Variants in MMP26 observed in about 807,000 individuals in gnomAD.
MMP26 encodes the protein matrix metalloproteinase-26.
In MMP26, 33 loss-of-function variants were observed where a neutral mutation model predicts 31.0. That is an observed-to-expected ratio of 1.06 (90% CI 0.81 to 1.42). MMP26 has a LOEUF of 1.42. Ranked by LOEUF, MMP26 falls within the 40% of genes most tolerant of loss-of-function variation. MMP26 has a pLI of 0.00. For synonymous variants in MMP26, 122 were observed against 114.9 expected (o/e 1.06, Z -0.40); for missense variants, 347 against 316.1 (o/e 1.10, Z -0.74).
intron 2 of MMP26, among the ~76,000 whole-genome samples, chr11:4,802,892 ACAGAGTATTGCTT>A (rs1849202705): frequency 6.6e-6 from 1 of 152,170 alleles, no homozygotes; most frequent in Non-Finnish European, 1.5e-5. Flanking sequence ...CTGATATTCA[ACAGAGTATTGCTT>A]CATCTGTAAT....
intron 2 of MMP26, among the ~76,000 whole-genome samples, chr11:4,915,908 C>T (rs919900): frequency 0.44 from 66,324 of 151,956 alleles, 14,862 homozygotes; most frequent in East Asian, 0.68. Flanking sequence ...AGTGATGAGC[C>T]AAACTGGGTG....
intron 2 of MMP26, among the ~76,000 whole-genome samples, chr11:4,826,816 G>A (rs901889209): frequency 2.6e-5 from 4 of 152,048 alleles, no homozygotes; most frequent in East Asian, 1.9e-4. Flanking sequence ...ACCATTATGG[G>A]TGACTATTGC....
chr11:4,881,082 C>G (rs1218540767), intron 2 of MMP26, among the ~76,000 whole-genome samples: 1 of 152,132 alleles, frequency 6.6e-6, no homozygotes, highest in Non-Finnish European at 1.5e-5. Flanking sequence ...ATATATTGCT[C>G]TGGTTAGCCA....
At chr11:4,962,325 T>C (rs1007253573) in intron 2 of MMP26, among the ~76,000 whole-genome samples, 4 of 152,204 alleles carry the variant, frequency 2.6e-5, no homozygotes, top group African/African-American at 7.2e-5. Flanking sequence ...ATGAAATGTA[T>C]ATAAAACCCA....
At chr11:4,858,264 T>A (rs1348203456) in intron 2 of MMP26, among the ~76,000 whole-genome samples, 2 of 152,098 alleles carry the variant, frequency 1.3e-5, no homozygotes, top group African/African-American at 4.8e-5. Context: ...GGTATTCAAT[T>A]AGGAAAAGAG....
At chr11:4,923,781 T>A in intron 2 of MMP26, 1 of 1,614,040 alleles carries the variant, frequency 6.2e-7, no homozygotes, top group South Asian at 1.1e-5. Context: ...GCCAGCTTCA[T>A]GATCTCCAGG....
chr11:4,930,426 T>A (rs1408698151), intron 2 of MMP26, among the ~76,000 whole-genome samples: 1 of 152,082 alleles, frequency 6.6e-6, no homozygotes, highest in Admixed American at 6.6e-5. Flanking sequence ...TGTCAGTGCT[T>A]ACCCCTTTCT....
intron 2 of MMP26, chr11:4,881,919 C>T (rs1850470049): frequency 6.2e-7 from 1 of 1,612,672 alleles, no homozygotes; most frequent in South Asian, 1.1e-5. Context: ...TTCAATAACA[C>T]CACTTCGTCT....
intron 1 of MMP26, among the ~76,000 whole-genome samples, chr11:4,707,768 A>G (rs944147097): frequency 3.9e-5 from 6 of 152,226 alleles, no homozygotes; most frequent in Admixed American, 3.3e-4. Context: ...ACTGGGGTTT[A>G]TCACTATTTT....
chr11:4,715,539 G>A (rs1361204247), intron 1 of MMP26, among the ~76,000 whole-genome samples: 19 of 152,174 alleles, frequency 1.2e-4, no homozygotes, highest in Admixed American at 1.2e-3. Context: ...AAGCACATTA[G>A]TGTGAAAGAA....
At position 4,992,248 on chromosome 11, in the gene MMP26, G is replaced by A. The variant is rs1589826877; in HGVS notation, c.*6G>A. The A allele has an allele frequency of 6.2e-7, 1 of 1,607,834 alleles. No homozygotes were observed. Among genetic ancestry groups the A allele is most frequent in the East Asian group, 2.2e-5 (1 of 44,704 alleles). ...GTTCATCTGACATACCTTAATGTTA[G>A]CACAGAGGACTTATTCAACCTGTCC... is the stretch of plus-strand genomic sequence containing the variant. On this transcript the variant is annotated 3_prime_UTR_variant, in exon 8 of 8. Transcript: ENST00000380390.
intron 1 of MMP26, among the ~76,000 whole-genome samples, chr11:4,755,117 T>C (rs11033718): frequency 0.073 from 11,034 of 152,038 alleles, 768 homozygotes; most frequent in African/African-American, 0.18. Flanking sequence ...TCACACACCA[T>C]GTCGCTATCA....
intron 2 of MMP26, chr11:4,769,363 A>C (rs767533061): frequency 1.2e-6 from 2 of 1,613,912 alleles, no homozygotes; most frequent in African/African-American, 2.7e-5. Flanking sequence ...ATTGAATCAC[A>C]TCTGGATGGT....
intron 2 of MMP26, among the ~76,000 whole-genome samples, chr11:4,941,870 G>A (rs372790049): frequency 7.3e-5 from 11 of 151,490 alleles, no homozygotes; most frequent in African/African-American, 2.7e-4. Flanking sequence ...TGGATCATGA[G>A]GTCAGGAGAT....
At chr11:4,942,523 T>C (rs941144528) in intron 2 of MMP26, among the ~76,000 whole-genome samples, 4 of 152,202 alleles carry the variant, frequency 2.6e-5, no homozygotes, top group Non-Finnish European at 1.5e-5. Flanking sequence ...GTTTAAGTTT[T>C]ACTTTCTAAA....
At chr11:4,795,601 A>C (rs1810895729) in intron 2 of MMP26, among the ~76,000 whole-genome samples, 2 of 152,238 alleles carry the variant, frequency 1.3e-5, no homozygotes, top group Admixed American at 6.5e-5. Context: ...AAGCATTTCA[A>C]AGGTTAAATG....
intron 2 of MMP26, among the ~76,000 whole-genome samples, chr11:4,918,280 T>C (rs1851128785): frequency 6.6e-6 from 1 of 152,078 alleles, no homozygotes; most frequent in African/African-American, 2.4e-5. Context: ...CCAGCAATTA[T>C]TTAAGTTAAG....
At chr11:4,722,656 C>T in intron 1 of MMP26, 1 of 672,414 alleles carries the variant, frequency 1.5e-6, no homozygotes, top group Non-Finnish European at 2.7e-6. Flanking sequence ...GTTCCCTGTG[C>T]TACCCTGCAC....
chr11:4,882,359 C>A (rs1012917056), intron 2 of MMP26: 1 of 1,613,786 alleles, frequency 6.2e-7, no homozygotes, highest in Non-Finnish European at 8.5e-7. Flanking sequence ...CTGCATTAGA[C>A]CAGCAGTTTT....
Sources: allele counts gnomAD v4.1 joint callset (sites outside exome capture counted in the v4.1 genomes callset), GRCh38; gene constraint gnomAD v4.1.1; transcripts MANE v1.5; gene names NCBI Gene and HGNC (gene_info 2026-07-23, HGNC 2026-07-21).